The following PARN variants were observed in gnomAD, a reference collection of about 807,000 sequenced individuals.
PARN encodes the protein poly(A)-specific ribonuclease PARN.
A neutral mutation model predicts 102.8 loss-of-function variants in PARN; 71 were observed. That is an observed-to-expected ratio of 0.69 (90% CI 0.57 to 0.84). The LOEUF (loss-of-function observed/expected upper bound fraction) is 0.84, where lower values mean the gene tolerates loss of function less well. PARN is among the 40% of genes least tolerant of loss of function. PARN has a pLI of 0.00. For missense variants in PARN, 782 were observed against 760.9 expected, an observed-to-expected ratio of 1.03 and a Z score of -0.33; for synonymous variants, 261 against 252.9, an observed-to-expected ratio of 1.03 and a Z score of -0.30.
chr16:14,547,268 C>A (rs549825219), intron 21 of PARN, among the ~76,000 whole-genome samples: 4 of 152,180 alleles, frequency 2.6e-5, no homozygotes, highest in Middle Eastern at 6.8e-3. Flanking sequence ...TGGGTTACCA[C>A]GTATCCAAAC....
chr16:14,520,125 G>C (rs935150708), intron 21 of PARN, among the ~76,000 whole-genome samples: 4 of 152,194 alleles, frequency 2.6e-5, no homozygotes, highest in Non-Finnish European at 5.9e-5. Flanking sequence ...AACATGAGAG[G>C]TGGGGAGTGG....
chr16:14,588,273 G>C (rs928156189), intron 13 of PARN, among the ~76,000 whole-genome samples: 2 of 152,192 alleles, frequency 1.3e-5, no homozygotes, highest in African/African-American at 4.8e-5. Flanking sequence ...TTGGAAAAAG[G>C]AGAGCAACAA....
At chr16:14,574,904 G>A (rs1236447287) in intron 18 of PARN, among the ~76,000 whole-genome samples, 2 of 152,242 alleles carry the variant, frequency 1.3e-5, no homozygotes, top group African/African-American at 2.4e-5. Flanking sequence ...CCAGGCCCAG[G>A]AGCCCTGCAT....
chr16:14,445,394 C>T (rs958613890), intron 23 of PARN, among the ~76,000 whole-genome samples: 1 of 152,210 alleles, frequency 6.6e-6, no homozygotes, highest in Non-Finnish European at 1.5e-5. Flanking sequence ...GCATTCATAG[C>T]TTGGGTATGA....
intron 21 of PARN, among the ~76,000 whole-genome samples, chr16:14,512,198 G>GT (rs776389086): frequency 1.3e-5 from 2 of 152,164 alleles, no homozygotes; most frequent in Non-Finnish European, 2.9e-5. Context: ...ACTGTGCTAA[G>GT]TGTTGTATTA....
At chr16:14,450,933 T>C (rs745388793) in intron 22 of PARN, among the ~76,000 whole-genome samples, 1 of 150,254 alleles carries the variant, frequency 6.7e-6, no homozygotes, top group Non-Finnish European at 1.5e-5. Context: ...AATCCATGAG[T>C]CTACATCAAT....
chr16:14,489,986 T>C (rs1963970011), intron 21 of PARN, among the ~76,000 whole-genome samples: 1 of 152,200 alleles, frequency 6.6e-6, no homozygotes, highest in African/African-American at 2.4e-5. Context: ...CTGGGTAACA[T>C]GGTGAAACCC....
chr16:14,611,260 C>T (rs576267322), intron 6 of PARN, among the ~76,000 whole-genome samples: 4 of 152,274 alleles, frequency 2.6e-5, no homozygotes, highest in Non-Finnish European at 1.5e-5. Context: ...CAGCAAGGAG[C>T]TGGTGTGGCC....
intron 13 of PARN, 46 bp from the exon 14 acceptor site, chr16:14,586,407 G>A (rs1183299919): frequency 6.9e-6 from 8 of 1,162,838 alleles, no homozygotes; most frequent in African/African-American, 3.1e-5. Context: ...TAATACACTC[G>A]CAGTATTAAA....
At chr16:14,608,832 AAC>A (rs1356430475) in intron 8 of PARN, among the ~76,000 whole-genome samples, 1 of 152,194 alleles carries the variant, frequency 6.6e-6, no homozygotes, top group Non-Finnish European at 1.5e-5. Flanking sequence ...AAGGTTGCAC[AAC>A]AGTTTTCTCC....
At chr16:14,608,360 G>T (rs944026647) in intron 8 of PARN, 41 bp from the exon 9 acceptor site, 22 of 1,306,676 alleles carry the variant, frequency 1.7e-5, no homozygotes, top group Non-Finnish European at 2.2e-5. Flanking sequence ...TGGCTCATTA[G>T]AAGTAAATCC....
chr16:14,583,827 G>T (rs557534334), intron 16 of PARN, among the ~76,000 whole-genome samples: 1 of 152,242 alleles, frequency 6.6e-6, no homozygotes, highest in South Asian at 2.1e-4. Context: ...GGCCCGAGGT[G>T]GCAAAACACC....
intron 23 of PARN, among the ~76,000 whole-genome samples, chr16:14,438,537 T>C (rs758884977): frequency 5.5e-5 from 8 of 146,274 alleles, no homozygotes; most frequent in Non-Finnish European, 1.2e-4. Flanking sequence ...AGCAAAAAGT[T>C]CTGGAGTAAG....
chr16:14,448,062 G>T (rs1961282888), intron 22 of PARN, among the ~76,000 whole-genome samples: 1 of 152,024 alleles, frequency 6.6e-6, no homozygotes, highest in African/African-American at 2.4e-5. Flanking sequence ...TCGGCTCACT[G>T]TAGCCTCCGC....
intron 21 of PARN, among the ~76,000 whole-genome samples, chr16:14,488,700 T>TA (rs902319159): frequency 6.6e-6 from 1 of 152,122 alleles, no homozygotes; most frequent in Non-Finnish European, 1.5e-5. Flanking sequence ...GCAAAAATTA[T>TA]AAAAAACATT....
chr16:14,462,794 A>G (rs1479358159), intron 22 of PARN, among the ~76,000 whole-genome samples: 2 of 152,224 alleles, frequency 1.3e-5, no homozygotes, highest in Admixed American at 6.5e-5. Flanking sequence ...CCAAGATGGA[A>G]TAACATAGAC....
intron 6 of PARN, among the ~76,000 whole-genome samples, chr16:14,617,242 G>A (rs952449253): frequency 3.3e-5 from 5 of 151,676 alleles, no homozygotes; most frequent in African/African-American, 1.2e-4. Context: ...AAATTAGCCA[G>A]GCGTGGTGGC....
chr16:14,519,955 A>G (rs1323806010), intron 21 of PARN, among the ~76,000 whole-genome samples: 3 of 152,324 alleles, frequency 2.0e-5, no homozygotes, highest in Admixed American at 6.5e-5. Context: ...CACACACAAA[A>G]AGAGAGATAC....
At chr16:14,450,182 T>C (rs1961388787) in intron 22 of PARN, among the ~76,000 whole-genome samples, 1 of 152,236 alleles carries the variant, frequency 6.6e-6, no homozygotes, top group Non-Finnish European at 1.5e-5. Flanking sequence ...AGATTTCCAG[T>C]AAAATATGTG....
Sources: gnomAD v4.1 joint callset for allele counts (sites outside exome capture counted in the v4.1 genomes callset) on GRCh38, gnomAD v4.1.1 for gene constraint, MANE v1.5 for transcripts, NCBI Gene and HGNC (gene_info 2026-07-23, HGNC 2026-07-21) for gene names.